SPATA13: variants seen among roughly 807,000 people sequenced by gnomAD.
SPATA13 encodes the protein spermatogenesis associated 13, also known as spermatogenesis-associated protein 13.
Under a neutral mutation model 104.0 loss-of-function variants are expected in SPATA13, and 50 were observed. That is an observed-to-expected ratio of 0.48 (90% CI 0.38 to 0.61). The LOEUF is 0.61. Among genes scored for constraint, SPATA13 ranks in the 20% least tolerant of loss-of-function variants. The probability of loss-of-function intolerance (pLI) is 0.00; values close to 1 mark genes in which losing one functional copy is unlikely to be tolerated. For missense variants in SPATA13, 1,524 were observed against 1,690.6 expected, an observed-to-expected ratio of 0.90 and a Z score of 1.73; for synonymous variants, 606 against 667.5, an observed-to-expected ratio of 0.91 and a Z score of 1.42.
intron 10 of SPATA13, among the ~76,000 whole-genome samples, chr13:24,295,367 T>C (rs7999402): frequency 0.083 from 12,672 of 152,138 alleles, 668 homozygotes; most frequent in Non-Finnish European, 0.1. Context: ...TCCCAGCACT[T>C]TGGGAGGCCA....
intron 4 of SPATA13, among the ~76,000 whole-genome samples, chr13:24,276,744 G>A (rs997400430): frequency 5.3e-5 from 8 of 152,168 alleles, no homozygotes; most frequent in South Asian, 2.1e-4. Flanking sequence ...GCTTTACAGC[G>A]TCAAAATTCC....
At chr13:24,225,009 A>T (rs551453439) in intron 2 of SPATA13, among the ~76,000 whole-genome samples, 3 of 152,360 alleles carry the variant, frequency 2.0e-5, no homozygotes, top group African/African-American at 7.2e-5. Context: ...TTCTGTTAAG[A>T]GACTATTACC....
chr13:24,105,428 T>C (rs1456163515), intron 3 of SPATA13, among the ~76,000 whole-genome samples: 2 of 150,656 alleles, frequency 1.3e-5, no homozygotes, highest in East Asian at 3.9e-4. Flanking sequence ...TGTGAGCCAC[T>C]GCGCCTGACT....
intron 1 of SPATA13, among the ~76,000 whole-genome samples, chr13:23,983,022 C>T (rs1223231620): frequency 6.6e-5 from 10 of 152,294 alleles, no homozygotes; most frequent in Admixed American, 3.9e-4. Flanking sequence ...GAGGGGCTCC[C>T]TGGAGCAAAA....
rs1012887062 is a variant in SPATA13 at position 24,137,450 on chromosome 13, G to A, written c.-111-85369G>A. ...ATACTTACAACCTTCTTTACATTCTGCTTACATAATATCAAGAAGTAACTA... is the reference window on the plus strand; with the variant it reads ...ATACTTACAACCTTCTTTACATTCTACTTACATAATATCAAGAAGTAACTA... On this transcript the variant is annotated intron_variant, in intron 3 of 14. Transcript: ENST00000424834. Among the ~76,000 whole-genome samples the A allele has an allele frequency of 3.3e-5, 5 of 152,164 alleles. No individual in the cohort carries two copies. The East Asian group carries it at 9.6e-4, about 29-fold the overall frequency.
intron 3 of SPATA13, among the ~76,000 whole-genome samples, chr13:24,052,973 C>G (rs554675378): frequency 6.0e-5 from 9 of 151,156 alleles, no homozygotes; most frequent in Non-Finnish European, 1.0e-4. Context: ...CTTTCTCTAC[C>G]TTGCATAACA....
chr13:24,114,358 T>TGTGTGCCTGCATGTGTGCACATGTGC lies in SPATA13; in HGVS notation c.-112+96680_-112+96681insTGCGTGTGCCTGCATGTGTGCACATG, dbSNP rs1555262427. Among the ~76,000 whole-genome samples the TGTGTGCCTGCATGTGTGCACATGTGC allele has an allele frequency of 1.5e-4, 23 of 148,824 alleles. No homozygotes were observed. The East Asian group carries it at 2.2e-3, about 14-fold the overall frequency. Reference sequence around the variant, plus strand: ...TATAGAAGCTAATTCAGTGTGCACGTGTGTGCCTGCATGTGTGCACATGCG... The same window carrying TGTGTGCCTGCATGTGTGCACATGTGC: ...TATAGAAGCTAATTCAGTGTGCACGTGTGTGCCTGCATGTGTGCACATGTGCGTGTGCCTGCATGTGTGCACATGCG... On this transcript the variant is annotated intron_variant, in intron 3 of 14. Coordinates refer to the SPATA13 transcript ENST00000424834.
chr13:24,272,444 T>A (rs1874680564), intron 4 of SPATA13, among the ~76,000 whole-genome samples: 1 of 152,180 alleles, frequency 6.6e-6, no homozygotes. Flanking sequence ...ATACATGTAA[T>A]AAAATGACAA....
chr13:24,006,051 CG>C (rs994220234), intron 2 of SPATA13, among the ~76,000 whole-genome samples: 4 of 152,208 alleles, frequency 2.6e-5, no homozygotes, highest in Non-Finnish European at 4.4e-5. Context: ...TGCAAGCAGC[CG>C]GAGGTGCCTG....
At chr13:24,002,501 C>T (rs997177043) in intron 2 of SPATA13, among the ~76,000 whole-genome samples, 3 of 152,132 alleles carry the variant, frequency 2.0e-5, no homozygotes, top group African/African-American at 4.8e-5. Flanking sequence ...TCTGAAAGCA[C>T]GGTTGGCTTA....
intron 4 of SPATA13, chr13:24,278,937 C>A (rs1022582795): frequency 3.5e-6 from 3 of 863,494 alleles, no homozygotes; most frequent in Non-Finnish European, 4.9e-6. Context: ...TCTTTCCTTC[C>A]TTCCTTCCTT....
intron 4 of SPATA13, among the ~76,000 whole-genome samples, chr13:24,260,489 C>T (rs1874006799): frequency 6.6e-6 from 1 of 152,146 alleles, no homozygotes; most frequent in Non-Finnish European, 1.5e-5. Flanking sequence ...CCCACCAAGC[C>T]TGTTTATGGC....
At chr13:24,027,885 A>G (rs1410749148) in intron 3 of SPATA13, among the ~76,000 whole-genome samples, 3 of 152,102 alleles carry the variant, frequency 2.0e-5, no homozygotes, top group Admixed American at 6.5e-5. Flanking sequence ...CCACCCCTTT[A>G]TGCTCTTTAC....
At chr13:24,200,714 T>G (rs1427308797) in intron 1 of SPATA13, among the ~76,000 whole-genome samples, 1 of 81,844 alleles carries the variant, frequency 1.2e-5, no homozygotes, top group African/African-American at 4.9e-5. Context: ...AAATTACACG[T>G]GTGATTAGTT....
At chr13:24,127,547 C>T (rs904122086) in intron 3 of SPATA13, among the ~76,000 whole-genome samples, 11 of 151,834 alleles carry the variant, frequency 7.2e-5, no homozygotes, top group Non-Finnish European at 1.6e-4. Context: ...GACAGAAGAT[C>T]TCCAGCACAG....
chr13:24,230,433 G>C (rs1028949430), intron 2 of SPATA13, among the ~76,000 whole-genome samples: 7 of 152,142 alleles, frequency 4.6e-5, no homozygotes, highest in African/African-American at 1.7e-4. Flanking sequence ...AATTGGGGAG[G>C]GACAGTGGAG....
intron 3 of SPATA13, among the ~76,000 whole-genome samples, chr13:24,038,135 G>T (rs889197358): frequency 6.6e-6 from 1 of 150,896 alleles, no homozygotes; most frequent in Admixed American, 6.6e-5. Flanking sequence ...GGATGGTCTC[G>T]ATCTCCTGAC....
intron 1 of SPATA13, among the ~76,000 whole-genome samples, chr13:24,177,009 C>T (rs1434116433): frequency 6.6e-6 from 1 of 152,188 alleles, no homozygotes; most frequent in Non-Finnish European, 1.5e-5. Context: ...AGGTAATCCA[C>T]CAGCCTTGGC....
chr13:24,216,819 G>C (rs1871280273), intron 1 of SPATA13, among the ~76,000 whole-genome samples: 1 of 152,224 alleles, frequency 6.6e-6, no homozygotes, highest in Non-Finnish European at 1.5e-5. Flanking sequence ...GGGAGGCCAA[G>C]GTGGGAGGAC....
Sources: allele counts gnomAD v4.1 joint callset (sites outside exome capture counted in the v4.1 genomes callset), GRCh38; gene constraint gnomAD v4.1.1; transcripts MANE v1.5; gene names NCBI Gene and HGNC (gene_info 2026-07-23, HGNC 2026-07-21).